The following RASGEF1B variants were observed in gnomAD, a reference collection of about 807,000 sequenced individuals.
RASGEF1B encodes the protein RasGEF domain family member 1B.
RASGEF1B carries 30 observed loss-of-function variants against 65.7 expected under a neutral mutation model. That is an observed-to-expected ratio of 0.46 (90% confidence interval 0.34 to 0.62). RASGEF1B has a LOEUF of 0.62. RASGEF1B is among the 20% of genes least tolerant of loss of function. The probability of loss-of-function intolerance (pLI) is 0.01; values close to 1 mark genes in which losing one functional copy is unlikely to be tolerated. For missense variants in RASGEF1B, 495 were observed against 580.1 expected (o/e 0.85, Z 1.51); for synonymous variants, 175 against 194.8 (o/e 0.90, Z 0.85).
At position 81,427,783 on chromosome 4, in the gene RASGEF1B, G is replaced by C. The variant is rs1004621879; in HGVS notation, c.1407C>G (p.Leu469=). 6.2e-7 allele frequency: 1 copy of C among 1,614,026 alleles called. No individual in the cohort carries two copies. Among genetic ancestry groups the C allele is most frequent in the Non-Finnish European group, 8.5e-7 (1 of 1,180,010 alleles). The part of the protein sequence containing the change: ...KDRWKSLRSS[L]LGRV The stretch of plus-strand genomic sequence containing the variant: ...CTCCCATGTGTTAAACTCTGCCTAA[G>C]AGGCTCGACCTGAGTAATAAAAACA... Residue 469 remains leucine, a synonymous_variant, in exon 14 of 14, where the codon CTC becomes CTG. Transcript: ENST00000264400.
At chr4:81,466,758 C>CAAAAAAA (rs748152922) in intron 1 of RASGEF1B, among the ~76,000 whole-genome samples, 2 of 57,636 alleles carry the variant, frequency 3.5e-5, no homozygotes, top group African/African-American at 8.5e-5. Context: ...GCCTCCATGT[C>CAAAAAAA]AAAAAAAAAA....
chr4:81,431,274 C>A (rs1053391954), intron 13 of RASGEF1B, among the ~76,000 whole-genome samples: 3 of 149,110 alleles, frequency 2.0e-5, no homozygotes, highest in Non-Finnish European at 4.4e-5. Flanking sequence ...TATAATTAGT[C>A]AATGCATTAT....
chr4:81,469,222 A>G (rs533258943), intron 1 of RASGEF1B, among the ~76,000 whole-genome samples: 41 of 152,290 alleles, frequency 2.7e-4, no homozygotes, highest in African/African-American at 8.9e-4. Context: ...CAGCTTTTTC[A>G]TTTATTATGT....
At position 81,437,606 on chromosome 4, in the gene RASGEF1B, A is replaced by C. The variant is rs367566843; in HGVS notation, c.1105-2872T>G. Among the ~76,000 whole-genome samples the C allele has an allele frequency of 1.1e-3, 165 of 152,326 alleles. 1 individual carries two copies. The highest frequency in any genetic ancestry group is 3.8e-3 in the African/African-American group (159 of 41,572). On this transcript the variant is annotated intron_variant, in intron 10 of 13. Transcript: ENST00000264400. ...TCTCATAAATTCACGCCAGGTGCCT[A>C]TAGCTGGATTATAAATTCTAGATGG...
chr4:81,443,442 C>T (rs1721916684), intron 8 of RASGEF1B, among the ~76,000 whole-genome samples: 1 of 152,180 alleles, frequency 6.6e-6, no homozygotes, highest in South Asian at 2.1e-4. Context: ...TTGGTCACCT[C>T]CCCACCACCA....
chr4:81,462,240 T>C (rs1221845314), intron 1 of RASGEF1B, among the ~76,000 whole-genome samples: 2 of 152,204 alleles, frequency 1.3e-5, no homozygotes, highest in Admixed American at 6.5e-5. Context: ...TAGAGCATTA[T>C]GATTAGAGCA....
intron 1 of RASGEF1B, among the ~76,000 whole-genome samples, chr4:81,465,768 A>C (rs369778089): frequency 6.6e-6 from 1 of 152,210 alleles, no homozygotes; most frequent in Non-Finnish European, 1.5e-5. Context: ...GACAATTCAA[A>C]TTGGAAAAGA....
intron 4 of RASGEF1B, chr4:81,453,834 T>C (rs1378295474): frequency 2.0e-5 from 3 of 152,218 alleles, no homozygotes; most frequent in East Asian, 1.9e-4. Flanking sequence ...CTGTGATTTA[T>C]AGAGATGAGA....
At chr4:81,453,660 T>C (rs1722345345) in intron 4 of RASGEF1B, 1 of 152,036 alleles carries the variant, frequency 6.6e-6, no homozygotes, top group Non-Finnish European at 1.5e-5. Context: ...TGAAAGCCCA[T>C]AATGGGAGGG....
chr4:81,457,731 C>T (rs1578636214), intron 2 of RASGEF1B, 110 bp from the exon 3 acceptor site: 1 of 1,258,980 alleles, frequency 7.9e-7, no homozygotes, highest in East Asian at 2.4e-5. Flanking sequence ...TCATATGCTG[C>T]AGTTTCAAAA....
intron 10 of RASGEF1B, among the ~76,000 whole-genome samples, chr4:81,436,387 T>C (rs1721633204): frequency 6.6e-6 from 1 of 152,208 alleles, no homozygotes; most frequent in Non-Finnish European, 1.5e-5. Flanking sequence ...TATGAATGTA[T>C]AAATTAAAAT....
chr4:81,432,418 G>C (rs770638278), intron 12 of RASGEF1B, 47 bp from the exon 13 acceptor site: 1 of 1,211,022 alleles, frequency 8.3e-7, no homozygotes, highest in Non-Finnish European at 1.2e-6. Flanking sequence ...GCCTTCTCCT[G>C]ATATATTATC....
At chr4:81,459,627 A>T in intron 1 of RASGEF1B, 113 bp from the exon 2 acceptor site, 1 of 812,830 alleles carries the variant, frequency 1.2e-6, no homozygotes, top group Non-Finnish European at 1.8e-6. Flanking sequence ...AGGCAATTAA[A>T]ATAGTAGTTC....
chr4:81,456,527 G>C (rs184242606), intron 4 of RASGEF1B, 124 bp downstream of exon 4: 1 of 956,112 alleles, frequency 1.0e-6, no homozygotes, highest in African/African-American at 1.6e-5. Context: ...ATGTGATGTG[G>C]AGGGCTTGCC....
intron 5 of RASGEF1B, 124 bp downstream of exon 5, chr4:81,447,945 A>T: frequency 1.3e-6 from 1 of 756,612 alleles, no homozygotes; most frequent in South Asian, 1.7e-5. Flanking sequence ...CAGCTATCTC[A>T]GATGATTTCC....
chr4:81,445,983 C>T, intron 6 of RASGEF1B, 145 bp from the exon 7 acceptor site: 1 of 633,952 alleles, frequency 1.6e-6, no homozygotes, highest in South Asian at 2.0e-5. Flanking sequence ...GAAAGACAAC[C>T]ACTGGCATTC....
In RASGEF1B at chr4:81,443,096, C is replaced by A. The variant is rs1721901275; in HGVS notation, c.929-720G>T. Among the ~76,000 whole-genome samples the A allele has an allele frequency of 2.6e-5, 4 of 152,176 alleles. No homozygotes were observed. In the South Asian group the frequency reaches 8.3e-4, roughly 31 times the overall value. On this transcript the variant is annotated intron_variant, in intron 8 of 13. Transcript: ENST00000264400. ...GCTCACATGGAGCTAACACCATAAC[C>A]CACACTCATTCCAACAAGCCATGCT... is the stretch of plus-strand genomic sequence containing the variant.
chr4:81,448,193 A>T lies in RASGEF1B; in HGVS notation c.530T>A (p.Ile177Asn). The change falls in exon 5 of 14, where the codon ATC (isoleucine) becomes AAC (asparagine). Residue 177 changes from isoleucine to asparagine, a missense_variant. Coordinates refer to ENST00000264400, the MANE Select transcript of RASGEF1B (RefSeq NM_152545.3). ...LSQYEEVLAKISSTSTDRLTV... is the reference protein window; with the variant it reads ...LSQYEEVLAKNSSTSTDRLTV... ...GAGCCGATCTGTGGATGTGGAGCTGATTTTTGCCAGGACTTCTTCGTACTG... is the reference window on the plus strand; with the variant it reads ...GAGCCGATCTGTGGATGTGGAGCTGTTTTTTGCCAGGACTTCTTCGTACTG... The T allele has an allele frequency of 6.2e-7, 1 of 1,613,976 alleles. No homozygotes were observed. The highest frequency in any genetic ancestry group is 8.5e-7 in the Non-Finnish European group (1 of 1,180,004).
intron 12 of RASGEF1B, among the ~76,000 whole-genome samples, chr4:81,433,529 A>T (rs1019187251): frequency 1.3e-5 from 2 of 152,142 alleles, no homozygotes; most frequent in Admixed American, 1.3e-4. Flanking sequence ...ACCACAAAAC[A>T]CCTTTTGTCT....
Sources: allele counts gnomAD v4.1 joint callset (sites outside exome capture counted in the v4.1 genomes callset), GRCh38; gene constraint gnomAD v4.1.1; transcripts MANE v1.5; gene names NCBI Gene and HGNC (gene_info 2026-07-23, HGNC 2026-07-21).